NSMCE2: variants seen among roughly 807,000 people sequenced by gnomAD.
NSMCE2 encodes E3 SUMO-protein ligase NSE2.
Under a neutral mutation model 23.8 loss-of-function variants are expected in NSMCE2, and 24 were observed. The observed-to-expected ratio is 1.01, with a 90% CI of 0.73 to 1.42. The LOEUF (loss-of-function observed/expected upper bound fraction) is 1.42, where lower values mean the gene tolerates loss of function less well. NSMCE2 is among the 40% of genes most tolerant of loss of function. The probability of loss-of-function intolerance (pLI) is 0.00; values close to 1 mark genes in which losing one functional copy is unlikely to be tolerated. For missense variants in NSMCE2, 284 were observed against 296.5 expected (o/e 0.96, Z 0.31); for synonymous variants, 92 against 94.1 (o/e 0.98, Z 0.13).
chr8:125,144,144 A>G (rs1586506364), intron 3 of NSMCE2, among the ~76,000 whole-genome samples: 2 of 152,266 alleles, frequency 1.3e-5, no homozygotes, highest in Non-Finnish European at 2.9e-5. Flanking sequence ...TCTGGGTACC[A>G]TGTACTACCG....
intron 1 of NSMCE2, among the ~76,000 whole-genome samples, chr8:125,095,330 C>G (rs1444457301): frequency 6.6e-6 from 1 of 152,012 alleles, no homozygotes; most frequent in Non-Finnish European, 1.5e-5. Context: ...TGTCTCATGC[C>G]TATAATCCCA....
At chr8:125,252,324 T>G (rs903150867) in intron 5 of NSMCE2, among the ~76,000 whole-genome samples, 4 of 152,062 alleles carry the variant, frequency 2.6e-5, no homozygotes, top group African/African-American at 7.2e-5. Context: ...GTAAGGAGAT[T>G]GAGACCAACC....
chr8:125,363,295 G>C (rs1295413757), intron 7 of NSMCE2: 1 of 152,248 alleles, frequency 6.6e-6, no homozygotes, highest in Non-Finnish European at 1.5e-5. Context: ...TTGAGCTCAG[G>C]AGTTCAGGAC....
At chr8:125,322,382 A>G (rs935408405) in intron 5 of NSMCE2, among the ~76,000 whole-genome samples, 1 of 152,258 alleles carries the variant, frequency 6.6e-6, no homozygotes, top group African/African-American at 2.4e-5. Context: ...TCATATGATC[A>G]TCTCAATAGA....
chr8:125,115,587 C>T (rs1034430367), intron 3 of NSMCE2, among the ~76,000 whole-genome samples: 1 of 152,108 alleles, frequency 6.6e-6, no homozygotes, highest in African/African-American at 2.4e-5. Context: ...CCCATCTCTG[C>T]CAAAAATACA....
intron 5 of NSMCE2, among the ~76,000 whole-genome samples, chr8:125,228,806 A>G (rs139187285): frequency 2.6e-4 from 39 of 152,316 alleles, no homozygotes; most frequent in African/African-American, 8.4e-4. Flanking sequence ...GCTCCTTCTC[A>G]TAAGTAGCTT....
chr8:125,159,401 T>C (rs1230666782), intron 4 of NSMCE2, among the ~76,000 whole-genome samples: 1 of 152,196 alleles, frequency 6.6e-6, no homozygotes, highest in Admixed American at 6.5e-5. Context: ...TTTACATATG[T>C]TTAGATACAT....
At chr8:125,187,110 A>G (rs754469832) in intron 5 of NSMCE2, among the ~76,000 whole-genome samples, 1 of 152,230 alleles carries the variant, frequency 6.6e-6, no homozygotes, top group Non-Finnish European at 1.5e-5. Context: ...ATTGAGGAAG[A>G]GCTAGTACAG....
chr8:125,249,527 C>T (rs1826122477), intron 5 of NSMCE2, among the ~76,000 whole-genome samples: 1 of 152,198 alleles, frequency 6.6e-6, no homozygotes, highest in Non-Finnish European at 1.5e-5. Flanking sequence ...CAAAACATTT[C>T]TCTATTTACT....
chr8:125,317,432 A>G (rs937750841), intron 5 of NSMCE2, among the ~76,000 whole-genome samples: 5 of 152,018 alleles, frequency 3.3e-5, no homozygotes, highest in African/African-American at 9.7e-5. Context: ...CCAGAGCTCA[A>G]TTGATCCACC....
At chr8:125,339,024 T>A (rs1830151115) in intron 5 of NSMCE2, among the ~76,000 whole-genome samples, 1 of 152,180 alleles carries the variant, frequency 6.6e-6, no homozygotes, top group South Asian at 2.1e-4. Flanking sequence ...TGCCTTACCC[T>A]GAGACATCCT....
In NSMCE2 at chr8:125,257,776, C is replaced by T. The variant is rs112873511; in HGVS notation, c.418+75520C>T. On this transcript the variant is annotated intron_variant, in intron 5 of 7. Coordinates refer to ENST00000287437, the MANE Select transcript of NSMCE2 (RefSeq NM_173685.4). ...GTCTCGATCTCCTGACTTCATTATCCGCCCTCTTCGGCCTCCCAAAGTCCT... is the reference window on the plus strand; with the variant it reads ...GTCTCGATCTCCTGACTTCATTATCTGCCCTCTTCGGCCTCCCAAAGTCCT... Among the ~76,000 whole-genome samples, 1,007 of 152,110 alleles carry T rather than the reference C, an allele frequency of 6.6e-3. 8 individuals carry two copies. Among genetic ancestry groups the T allele is most frequent in the African/African-American group, 0.023 (955 of 41,514 alleles).
chr8:125,334,130 AGGGT>A (rs1229322737), intron 5 of NSMCE2, among the ~76,000 whole-genome samples: 3 of 152,168 alleles, frequency 2.0e-5, no homozygotes, highest in African/African-American at 7.2e-5. Flanking sequence ...AATTAGTTAA[AGGGT>A]GTTCAGTTCA....
chr8:125,107,159 C>T (rs1818503286), intron 3 of NSMCE2, among the ~76,000 whole-genome samples: 1 of 147,518 alleles, frequency 6.8e-6, no homozygotes, highest in South Asian at 2.1e-4. Context: ...GTGAATTGTT[C>T]TATATTGTAC....
intron 3 of NSMCE2, among the ~76,000 whole-genome samples, chr8:125,120,319 G>A (rs1819205854): frequency 6.6e-6 from 1 of 152,172 alleles, no homozygotes; most frequent in African/African-American, 2.4e-5. Context: ...GTTTTGGAGA[G>A]TACTCAAATC....
chr8:125,114,367 A>G (rs1033200709), intron 3 of NSMCE2, among the ~76,000 whole-genome samples: 8 of 152,222 alleles, frequency 5.3e-5, no homozygotes, highest in African/African-American at 1.9e-4. Context: ...TAAGCACTCA[A>G]TAAATGAAAG....
intron 5 of NSMCE2, among the ~76,000 whole-genome samples, chr8:125,254,263 A>G (rs1401956541): frequency 6.6e-6 from 1 of 152,194 alleles, no homozygotes; most frequent in Non-Finnish European, 1.5e-5. Context: ...TTCATATTCT[A>G]TTTAATGGCT....
intron 4 of NSMCE2, among the ~76,000 whole-genome samples, chr8:125,158,559 G>A (rs1337716157): frequency 6.6e-6 from 1 of 152,098 alleles, no homozygotes; most frequent in Admixed American, 6.6e-5. Context: ...AAACACCTTG[G>A]CCTCAGTGGC....
At chr8:125,325,301 A>G (rs1829621603) in intron 5 of NSMCE2, among the ~76,000 whole-genome samples, 1 of 111,262 alleles carries the variant, frequency 9.0e-6, no homozygotes, top group African/African-American at 2.6e-5. Context: ...CTATTAAAAT[A>G]AAATAAAATA....
Sources: gnomAD v4.1 joint callset for allele counts (sites outside exome capture counted in the v4.1 genomes callset) on GRCh38, gnomAD v4.1.1 for gene constraint, MANE v1.5 for transcripts, NCBI Gene and HGNC (gene_info 2026-07-23, HGNC 2026-07-21) for gene names.